OXR1: variants seen among roughly 807,000 people sequenced by gnomAD.
OXR1 encodes the protein oxidation resistance protein 1.
In OXR1, 41 loss-of-function variants were observed where a neutral mutation model predicts 104.6. The observed-to-expected ratio is 0.39, with a 90% confidence interval of 0.31 to 0.51. The LOEUF (loss-of-function observed/expected upper bound fraction) is 0.51, where lower values mean the gene tolerates loss of function less well. OXR1 is among the 20% of genes least tolerant of loss of function. The pLI, the probability that OXR1 is intolerant of heterozygous loss-of-function variation, is 0.77. For synonymous variants in OXR1, 348 were observed against 348.4 expected (o/e 1.00, Z 0.01); for missense variants, 955 against 1,031.9 (o/e 0.93, Z 1.02).
intron 3 of OXR1, chr8:106,657,698 T>A (rs911517398): frequency 2.6e-6 from 1 of 383,472 alleles, no homozygotes; most frequent in Non-Finnish European, 4.0e-6. Flanking sequence ...CCAGGAAGAA[T>A]ACACCTATGT....
chr8:106,509,080 C>T (rs890248993), intron 2 of OXR1, among the ~76,000 whole-genome samples: 1 of 152,106 alleles, frequency 6.6e-6, no homozygotes, highest in African/African-American at 2.4e-5. Flanking sequence ...TTCCTTCTTC[C>T]TAAAATGAAT....
intron 2 of OXR1, among the ~76,000 whole-genome samples, chr8:106,418,992 A>G (rs1586624593): frequency 6.6e-6 from 1 of 152,222 alleles, no homozygotes. Flanking sequence ...CAACGCTCAT[A>G]ACCATTACAC....
intron 3 of OXR1, among the ~76,000 whole-genome samples, chr8:106,612,797 A>G (rs1182983329): frequency 6.6e-6 from 1 of 152,138 alleles, no homozygotes; most frequent in Non-Finnish European, 1.5e-5. Flanking sequence ...TACATGTATT[A>G]AATACTTTAA....
intron 1 of OXR1, among the ~76,000 whole-genome samples, chr8:106,307,020 G>T (rs1813489683): frequency 1.3e-5 from 2 of 152,112 alleles, no homozygotes; most frequent in Non-Finnish European, 2.9e-5. Context: ...TTACCTAGCA[G>T]GAGAAGGGGA....
intron 3 of OXR1, among the ~76,000 whole-genome samples, chr8:106,547,234 C>G (rs1012508906): frequency 6.6e-6 from 1 of 152,282 alleles, no homozygotes; most frequent in South Asian, 2.1e-4. Flanking sequence ...ATGAAGTACA[C>G]ATCGCCACCA....
At chr8:106,334,845 A>G (rs1024294790) in intron 1 of OXR1, among the ~76,000 whole-genome samples, 1 of 152,308 alleles carries the variant, frequency 6.6e-6, no homozygotes, top group Non-Finnish European at 1.5e-5. Flanking sequence ...AGAAAAATGC[A>G]TATTTGATCG....
chr8:106,379,115 A>C (rs1388483038), intron 2 of OXR1, among the ~76,000 whole-genome samples: 1 of 152,220 alleles, frequency 6.6e-6, no homozygotes, highest in Non-Finnish European at 1.5e-5. Flanking sequence ...TAGGCTTTGC[A>C]GAATCAGCAT....
At chr8:106,419,034 G>T (rs1173043550) in intron 2 of OXR1, among the ~76,000 whole-genome samples, 1 of 151,988 alleles carries the variant, frequency 6.6e-6, no homozygotes, top group Non-Finnish European at 1.5e-5. Flanking sequence ...AATATAATAA[G>T]CAAAATATTC....
At chr8:106,300,689 G>T (rs991489476) in intron 1 of OXR1, among the ~76,000 whole-genome samples, 2 of 152,100 alleles carry the variant, frequency 1.3e-5, no homozygotes, top group Non-Finnish European at 2.9e-5. Context: ...GAAACAGATC[G>T]AAAGGTAACC....
At chr8:106,532,537 A>G (rs1336661068) in intron 3 of OXR1, among the ~76,000 whole-genome samples, 3 of 152,220 alleles carry the variant, frequency 2.0e-5, no homozygotes, top group Non-Finnish European at 4.4e-5. Context: ...TAAGCACACA[A>G]TAAATGTTAA....
At chr8:106,281,009 C>T (rs1264640875) in intron 1 of OXR1, among the ~76,000 whole-genome samples, 6 of 152,020 alleles carry the variant, frequency 3.9e-5, no homozygotes, top group Non-Finnish European at 5.9e-5. Flanking sequence ...GAGACCCTGC[C>T]CTTAGGAACA....
At chr8:106,363,873 A>G (rs928221408) in intron 2 of OXR1, among the ~76,000 whole-genome samples, 1 of 152,122 alleles carries the variant, frequency 6.6e-6, no homozygotes, top group African/African-American at 2.4e-5. Flanking sequence ...AACTACCTGG[A>G]TTGTAGACAT....
intron 3 of OXR1, among the ~76,000 whole-genome samples, chr8:106,571,182 C>T (rs146342464): frequency 3.3e-5 from 5 of 151,904 alleles, no homozygotes; most frequent in East Asian, 2.0e-4. Flanking sequence ...TTAGTTAGTT[C>T]GGGCTGCTGT....
intron 7 of OXR1, among the ~76,000 whole-genome samples, chr8:106,694,399 AT>A (rs1587120010): frequency 7.1e-6 from 1 of 140,638 alleles, no homozygotes; most frequent in Admixed American, 7.6e-5. Context: ...TACATTATAT[AT>A]TTATATATAT....
chr8:106,715,527 T>G (rs1832155238), intron 11 of OXR1, among the ~76,000 whole-genome samples: 1 of 151,606 alleles, frequency 6.6e-6, no homozygotes, highest in East Asian at 1.9e-4. Flanking sequence ...GCCCAGGTGA[T>G]CAAAGATACG....
At chr8:106,747,208 CCTT>C (rs1225544803) in intron 16 of OXR1, among the ~76,000 whole-genome samples, 15 of 152,146 alleles carry the variant, frequency 9.9e-5, no homozygotes, top group Non-Finnish European at 7.4e-5. Context: ...GTATGTGGTA[CCTT>C]GAGCAAACTC....
At chr8:106,448,585 C>G (rs948335105) in intron 2 of OXR1, among the ~76,000 whole-genome samples, 1 of 151,780 alleles carries the variant, frequency 6.6e-6, no homozygotes, top group Non-Finnish European at 1.5e-5. Flanking sequence ...CTATATTATT[C>G]TGTGAATAAT....
intron 2 of OXR1, among the ~76,000 whole-genome samples, chr8:106,477,809 T>A (rs1019921597): frequency 6.6e-6 from 1 of 152,018 alleles, no homozygotes; most frequent in Non-Finnish European, 1.5e-5. Flanking sequence ...GTAATTTTTT[T>A]ATTATTGGTG....
At position 106,363,172 on chromosome 8, in the gene OXR1, G is replaced by A. The variant is rs538306462; in HGVS notation, c.23+3536G>A. Among the ~76,000 whole-genome samples, 251 of 152,346 alleles carry A rather than the reference G, an allele frequency of 1.6e-3. 1 individual carries two copies. The highest frequency in any genetic ancestry group is 6.8e-3 in the Middle Eastern group (2 of 294). On this transcript the variant is annotated intron_variant, in intron 2 of 16. Transcript: ENST00000517566. ...CTAGTGAGCATCTATAACATGCCATGTCCTGTGCTAAGCACAGGGAAACAG... is the reference window on the plus strand; with the variant it reads ...CTAGTGAGCATCTATAACATGCCATATCCTGTGCTAAGCACAGGGAAACAG...
Sources: gnomAD v4.1 joint callset for allele counts (sites outside exome capture counted in the v4.1 genomes callset) on GRCh38, gnomAD v4.1.1 for gene constraint, MANE v1.5 for transcripts, NCBI Gene and HGNC (gene_info 2026-07-23, HGNC 2026-07-21) for gene names.